The following FRMD4A variants were observed in gnomAD, a reference collection of about 807,000 sequenced individuals.
The protein encoded by FRMD4A is FERM domain containing 4A.
A neutral mutation model predicts 129.1 loss-of-function variants in FRMD4A; 29 were observed. The ratio of observed to expected loss-of-function variants is 0.22; its 90% confidence interval spans 0.17 to 0.31. The LOEUF is 0.31. Among genes scored for constraint, FRMD4A ranks in the 10% least tolerant of loss-of-function variants. The pLI is 1.00. For synonymous variants in FRMD4A, 634 were observed against 571.6 expected (o/e 1.11, Z -1.56); for missense variants, 1,272 against 1,375.8 (o/e 0.92, Z 1.19).
At chr10:13,837,750 C>T (rs947471287) in intron 3 of FRMD4A, among the ~76,000 whole-genome samples, 3 of 152,328 alleles carry the variant, frequency 2.0e-5, no homozygotes, top group Admixed American at 2.0e-4. Flanking sequence ...CAGCTTTCCT[C>T]CATCCAATCC....
At chr10:13,737,307 A>G (rs2090689401) in intron 12 of FRMD4A, among the ~76,000 whole-genome samples, 1 of 152,126 alleles carries the variant, frequency 6.6e-6, no homozygotes, top group African/African-American at 2.4e-5. Flanking sequence ...CCAGGCTGGT[A>G]TAGAACTCCT....
At chr10:14,310,441 G>A (rs921714065) in intron 2 of FRMD4A, among the ~76,000 whole-genome samples, 1 of 152,192 alleles carries the variant, frequency 6.6e-6, no homozygotes, top group Non-Finnish European at 1.5e-5. Flanking sequence ...CTAACAAAGA[G>A]CAGCCTGAAA....
At chr10:13,921,013 A>G (rs1001880253) in intron 2 of FRMD4A, among the ~76,000 whole-genome samples, 1 of 152,172 alleles carries the variant, frequency 6.6e-6, no homozygotes, top group East Asian at 1.9e-4. Flanking sequence ...CTGCTATAGC[A>G]AAATACATAG....
At chr10:13,679,426 CAAAAAAAAAAAAAAAAA>C (rs1184269199) in intron 15 of FRMD4A, among the ~76,000 whole-genome samples, 4 of 8,602 alleles carry the variant, frequency 4.7e-4, no homozygotes, top group East Asian at 0.012. Context: ...GACTCTGTCT[CAAAAAAAAAAAAAAAAA>C]AAAAAAAAAA....
intron 13 of FRMD4A, among the ~76,000 whole-genome samples, chr10:13,706,295 T>G (rs886284143): frequency 6.6e-6 from 1 of 152,120 alleles, no homozygotes; most frequent in African/African-American, 2.4e-5. Flanking sequence ...TTTTTGGGGA[T>G]GCATATAACT....
chr10:14,102,750 T>C (rs74122475), intron 2 of FRMD4A, among the ~76,000 whole-genome samples: 5,748 of 137,336 alleles, frequency 0.042, 381 homozygotes, highest in African/African-American at 0.14. Context: ...TACAACTTTC[T>C]TGAGTCTTGA....
At chr10:13,998,541 C>A (rs1320168909) in intron 2 of FRMD4A, among the ~76,000 whole-genome samples, 1 of 152,202 alleles carries the variant, frequency 6.6e-6, no homozygotes, top group Non-Finnish European at 1.5e-5. Context: ...TTTAGCACAT[C>A]ACGAATAGAA....
At chr10:13,960,624 GACTTATATATA>G (rs2095440458) in intron 2 of FRMD4A, among the ~76,000 whole-genome samples, 1 of 152,204 alleles carries the variant, frequency 6.6e-6, no homozygotes. Context: ...TTGGAGTAAG[GACTTATATATA>G]ATTCATGGAC....
intron 12 of FRMD4A, among the ~76,000 whole-genome samples, chr10:13,723,478 TAA>T (rs999396160): frequency 9.8e-5 from 15 of 152,286 alleles, no homozygotes; most frequent in Admixed American, 9.8e-4. Flanking sequence ...GTTTCATGGG[TAA>T]AGTTTCAGCT....
intron 6 of FRMD4A, among the ~76,000 whole-genome samples, chr10:13,778,484 T>C (rs2092655351): frequency 6.6e-6 from 1 of 152,142 alleles, no homozygotes. Flanking sequence ...CTGAATTTGA[T>C]CATTACCAGG....
chr10:14,089,634 AAAAAACAAAC>A (rs1194366601), intron 2 of FRMD4A, among the ~76,000 whole-genome samples: 37 of 143,394 alleles, frequency 2.6e-4, no homozygotes, highest in African/African-American at 7.4e-4. Flanking sequence ...AAAAAACAAA[AAAAAACAAAC>A]AAAAAAAAAA....
chr10:13,954,354 C>A (rs1338128069), intron 2 of FRMD4A, among the ~76,000 whole-genome samples: 5 of 152,196 alleles, frequency 3.3e-5, no homozygotes, highest in Non-Finnish European at 7.3e-5. Flanking sequence ...AAAGGCATGT[C>A]TTACATGGCA....
chr10:13,854,123 C>T (rs1340873753), intron 3 of FRMD4A, among the ~76,000 whole-genome samples: 5 of 152,168 alleles, frequency 3.3e-5, no homozygotes, highest in African/African-American at 7.2e-5. Flanking sequence ...TTCCTACTAA[C>T]GGCTTCCTGT....
intron 16 of FRMD4A, among the ~76,000 whole-genome samples, chr10:13,671,459 GA>G (rs761511650): frequency 2.0e-5 from 3 of 150,902 alleles, no homozygotes; most frequent in South Asian, 4.2e-4. Context: ...GTTTATTAAG[GA>G]AAAAAAAAGT....
At chr10:14,261,024 G>C (rs993076004) in intron 2 of FRMD4A, among the ~76,000 whole-genome samples, 8 of 152,122 alleles carry the variant, frequency 5.3e-5, no homozygotes, top group African/African-American at 1.7e-4. Context: ...AAGCATCTAG[G>C]GGGAATTCAC....
intron 15 of FRMD4A, among the ~76,000 whole-genome samples, chr10:13,680,891 T>A (rs1459904574): frequency 6.6e-6 from 1 of 151,854 alleles, no homozygotes; most frequent in Non-Finnish European, 1.5e-5. Context: ...TAAAAAAAAA[T>A]TAAATGATCT....
intron 3 of FRMD4A, among the ~76,000 whole-genome samples, chr10:13,850,043 C>T (rs376895865): frequency 6.6e-6 from 1 of 151,896 alleles, no homozygotes; most frequent in East Asian, 2.0e-4. Flanking sequence ...GTGGCAGGTG[C>T]CTGTAATCCC....
intron 2 of FRMD4A, among the ~76,000 whole-genome samples, chr10:13,875,649 T>C (rs12761996): frequency 0.052 from 7,971 of 152,256 alleles, 230 homozygotes; most frequent in South Asian, 0.072. Flanking sequence ...CCATATTTTA[T>C]ACAAGAAAAT....
At chr10:14,203,362 C>G (rs566069681) in intron 2 of FRMD4A, among the ~76,000 whole-genome samples, 78 of 152,262 alleles carry the variant, frequency 5.1e-4, no homozygotes, top group African/African-American at 1.7e-3. Flanking sequence ...AAATTTACAT[C>G]GCTGTTTTGC....
Sources: gnomAD v4.1 joint callset for allele counts (sites outside exome capture counted in the v4.1 genomes callset) on GRCh38, gnomAD v4.1.1 for gene constraint, MANE v1.5 for transcripts, NCBI Gene and HGNC (gene_info 2026-07-23, HGNC 2026-07-21) for gene names.